NFYB: variants seen among roughly 807,000 people sequenced by gnomAD.
NFYB encodes the protein nuclear transcription factor Y subunit beta, also known as CAAT box DNA-binding protein subunit B.
A neutral mutation model predicts 28.0 loss-of-function variants in NFYB; 13 were observed. That is an observed-to-expected ratio of 0.46 (90% CI 0.30 to 0.74). The LOEUF (loss-of-function observed/expected upper bound fraction) is 0.74. Among genes scored for constraint, NFYB ranks in the 30% least tolerant of loss-of-function variants. NFYB has a pLI of 0.07. For synonymous variants in NFYB, 74 were observed against 75.0 expected, an observed-to-expected ratio of 0.99 and a Z score of 0.07; for missense variants, 142 against 247.6, an observed-to-expected ratio of 0.57 and a Z score of 2.86.
intron 4 of NFYB, among the ~76,000 whole-genome samples, chr12:104,124,455 C>T (rs574867853): frequency 3.9e-4 from 59 of 152,334 alleles, no homozygotes; most frequent in Non-Finnish European, 7.6e-4. Context: ...CTGTCTTTCA[C>T]CGCCATGCCT....
At chr12:104,121,406 G>A in intron 5 of NFYB, 85 bp from the exon 6 acceptor site, 3 of 1,106,426 alleles carry the variant, frequency 2.7e-6, no homozygotes, top group Middle Eastern at 2.0e-4. Context: ...CTAAAATTAG[G>A]AGCTTCTATT....
At chr12:104,124,580 A>T (rs139928939) in intron 4 of NFYB, among the ~76,000 whole-genome samples, 155 of 152,326 alleles carry the variant, frequency 1.0e-3, no homozygotes, top group African/African-American at 2.7e-3. Flanking sequence ...AAAATAAAAT[A>T]AAATTAATTT....
chr12:104,127,441 G>A (rs529352880), intron 3 of NFYB, among the ~76,000 whole-genome samples: 2 of 151,904 alleles, frequency 1.3e-5, no homozygotes, highest in South Asian at 2.1e-4. Context: ...GGTGCTGGGC[G>A]CCTGTGATCT....
intron 3 of NFYB, among the ~76,000 whole-genome samples, chr12:104,127,661 G>GC (rs1305440749): frequency 1.0e-3 from 122 of 121,590 alleles, no homozygotes; most frequent in African/African-American, 3.7e-3. Context: ...ACATAACACT[G>GC]CCTTTTTTTT....
chr12:104,129,347 T>C lies in NFYB; in HGVS notation c.7-830A>G, dbSNP rs373689375. ...TAAGTCATCAACTGGAATTCACCTG[T>C]ATCCATCACTTCCAGCTCTCCTGCT... On this transcript the variant is annotated intron_variant, in intron 2 of 7. Transcript: ENST00000240055. Among the ~76,000 whole-genome samples, 4 of 152,102 alleles carry C rather than the reference T, an allele frequency of 2.6e-5. No individual in the cohort carries two copies. The East Asian group carries it at 7.7e-4, about 29-fold the overall frequency.
At chr12:104,123,949 C>T (rs909303010) in intron 4 of NFYB, among the ~76,000 whole-genome samples, 10 of 151,810 alleles carry the variant, frequency 6.6e-5, no homozygotes, top group African/African-American at 2.4e-5. Flanking sequence ...GCAAAAAGAG[C>T]GAGACTCCGT....
intron 2 of NFYB, among the ~76,000 whole-genome samples, chr12:104,132,245 T>C (rs2030950728): frequency 6.6e-6 from 1 of 151,706 alleles, no homozygotes; most frequent in African/African-American, 2.4e-5. Context: ...CAGAAATCAG[T>C]CAGGCAAAAA....
At chr12:104,129,718 A>C (rs773316388) in intron 2 of NFYB, among the ~76,000 whole-genome samples, 2 of 152,154 alleles carry the variant, frequency 1.3e-5, no homozygotes, top group Non-Finnish European at 2.9e-5. Context: ...GTCTCTAAAA[A>C]AAAACAAAAA....
At position 104,120,440 on chromosome 12, in the gene NFYB, T is replaced by C. The variant is rs2136644627; in HGVS notation, c.551A>G (p.Gln184Arg). 6.2e-7 allele frequency: 1 copy of C among 1,613,982 alleles called. No homozygotes were observed. Among genetic ancestry groups the C allele is most frequent in the Non-Finnish European group, 8.5e-7 (1 of 1,179,990 alleles). Reference sequence around the variant, plus strand: ...TGTGTAAACCATAACATTTTGTTGTTGACCGTCTGTGGTTATTAAGCCAGC... The same window carrying C: ...TGTGTAAACCATAACATTTTGTTGTCGACCGTCTGTGGTTATTAAGCCAGC... The part of the protein sequence containing the change: ...LPAGLITTDG[Q>R]QQNVMVYTTS... Residue 184 changes from glutamine (Q) to arginine (R), a missense_variant, in exon 7 of 8, where the codon CAA becomes CGA. Physicochemically the swap from Gln to Arg is conservative, Grantham distance 43 (BLOSUM62 1). Around this residue, in one of 2 missense-constraint regions of NFYB, gnomAD observed 88 missense variants for 189.5 expected, o/e 0.46. Transcript: ENST00000240055.
intron 3 of NFYB, 30 bp from the exon 4 acceptor site, chr12:104,126,274 G>C: frequency 1.4e-6 from 2 of 1,473,556 alleles, no homozygotes; most frequent in Non-Finnish European, 1.8e-6. Context: ...TAGGTGTAAA[G>C]CTTCTTATTA....
chr12:104,128,905 C>G (rs2030823273), intron 2 of NFYB, among the ~76,000 whole-genome samples: 1 of 151,984 alleles, frequency 6.6e-6, no homozygotes, highest in African/African-American at 2.4e-5. Flanking sequence ...TGGGCTCAAA[C>G]AAACCACCTA....
intron 2 of NFYB, among the ~76,000 whole-genome samples, chr12:104,130,939 G>A (rs905243487): frequency 4.6e-5 from 7 of 152,112 alleles, no homozygotes; most frequent in African/African-American, 1.7e-4. Flanking sequence ...CAGGCGGTGG[G>A]TTGGGAAGAA....
At chr12:104,136,537 T>C (rs2031106173) in intron 1 of NFYB, among the ~76,000 whole-genome samples, 1 of 152,180 alleles carries the variant, frequency 6.6e-6, no homozygotes, top group Admixed American at 6.5e-5. Context: ...CCAAAACTGC[T>C]CAGAAAAGTC....
At position 104,117,316 on chromosome 12, in the gene NFYB, C is replaced by T. The variant is rs2030302214; in HGVS notation, c.*2421G>A. ...TGAAGTCAATACATAAAAAAGGTGACCTGATTTTACCTGGTGTAAAATTTT... is the reference window on the plus strand; with the variant it reads ...TGAAGTCAATACATAAAAAAGGTGATCTGATTTTACCTGGTGTAAAATTTT... On this transcript the variant is annotated 3_prime_UTR_variant, in exon 8 of 8. Transcript: ENST00000240055. 6.6e-6 allele frequency: 1 copy of T among 152,104 alleles called. No homozygotes were observed. The highest frequency in any genetic ancestry group is 2.4e-5 in the African/African-American group (1 of 41,412). The allele number at this position is 152,104 out of a possible 1,614,324, so 9.4% of individuals were successfully genotyped here.
chr12:104,125,125 T>TA (rs1334913265), intron 4 of NFYB: 9 of 152,210 alleles, frequency 5.9e-5, no homozygotes, highest in Non-Finnish European at 1.3e-4. Context: ...TATAATTATG[T>TA]AAAAATAGCT....
In NFYB at chr12:104,131,686, T is replaced by C. The variant is rs1593635880; in HGVS notation, c.7-3169A>G. Reference sequence around the variant, plus strand: ...GTCTAAAACATCCTATAAAAACTTATAAAACAGACTGTAGATTGTCAGTAA... The same window carrying C: ...GTCTAAAACATCCTATAAAAACTTACAAAACAGACTGTAGATTGTCAGTAA... On this transcript the variant is annotated intron_variant, in intron 2 of 7. Coordinates refer to ENST00000240055, the MANE Select transcript of NFYB (RefSeq NM_006166.4). 3 of 453,710 alleles carry C rather than the reference T, an allele frequency of 6.6e-6. No individual in the cohort carries two copies. The East Asian group carries it at 2.1e-4, about 32-fold the overall frequency. 28.1% of individuals were successfully genotyped at this position (453,710 alleles called of 1,614,324 possible). A position where few individuals can be genotyped will look rare whatever the true frequency, so the allele number is the denominator to read the frequency against.
At chr12:104,125,543 C>T (rs983389009) in intron 4 of NFYB, among the ~76,000 whole-genome samples, 7 of 150,476 alleles carry the variant, frequency 4.7e-5, no homozygotes, top group Admixed American at 2.6e-4. Flanking sequence ...GTTCTGACAA[C>T]GTACCTATTT....
At chr12:104,123,128 A>G (rs2030543052) in intron 5 of NFYB, 98 bp downstream of exon 5, 1 of 900,796 alleles carries the variant, frequency 1.1e-6, no homozygotes, top group Non-Finnish European at 1.7e-6. Flanking sequence ...GTGAGCCGAG[A>G]TCTTGCCACT....
In NFYB at chr12:104,119,140, T is replaced by G. The variant is rs2466551; in HGVS notation, c.*597A>C. ...TTTAACAGGGCAGACAATATTTGCTTCTGCATTCACACTTATTCAATTACA... is the reference window on the plus strand; with the variant it reads ...TTTAACAGGGCAGACAATATTTGCTGCTGCATTCACACTTATTCAATTACA... On this transcript the variant is annotated 3_prime_UTR_variant, in exon 8 of 8. Transcript: ENST00000240055. 0.16 allele frequency: 24,941 copies of G among 152,552 alleles called. 2,247 individuals carry two copies. The highest frequency in any genetic ancestry group is 0.41 in the East Asian group (2,124 of 5,176). 9.4% of individuals were successfully genotyped at this position (152,552 alleles called of 1,614,324 possible). A position where few individuals can be genotyped will look rare whatever the true frequency, so the allele number is the denominator to read the frequency against.
Sources: gnomAD v4.1 joint callset for allele counts (sites outside exome capture counted in the v4.1 genomes callset) on GRCh38, gnomAD v4.1.1 for gene constraint, gnomAD v4.1.1 regional missense constraint, MANE v1.5 for transcripts, NCBI Gene and HGNC (gene_info 2026-07-23, HGNC 2026-07-21) for gene names.